AMPH: variants seen among roughly 807,000 people sequenced by gnomAD.
AMPH encodes amphiphysin.
A neutral mutation model predicts 99.1 loss-of-function variants in AMPH; 49 were observed. The ratio of observed to expected loss-of-function variants is 0.49; its 90% CI spans 0.39 to 0.63. AMPH has a LOEUF of 0.63. Among genes scored for constraint, AMPH ranks in the 20% least tolerant of loss-of-function variants. The pLI is 0.00. For missense variants in AMPH, 759 were observed against 863.4 expected (o/e 0.88, Z 1.52); for synonymous variants, 314 against 317.3 (o/e 0.99, Z 0.11).
intron 1 of AMPH, among the ~76,000 whole-genome samples, chr7:38,589,735 T>C (rs1303129524): frequency 2.6e-5 from 4 of 152,214 alleles, no homozygotes; most frequent in East Asian, 3.8e-4. Flanking sequence ...CAATTATTAA[T>C]TGAGTATGTG....
intron 17 of AMPH, 50 bp downstream of exon 17, chr7:38,417,775 A>G (rs1266667134): frequency 1.2e-6 from 2 of 1,606,104 alleles, no homozygotes; most frequent in Admixed American, 3.4e-5. Context: ...TGAGATGAGC[A>G]TGGCTGTGGC....
chr7:38,507,385 G>A (rs1360363604), intron 2 of AMPH, among the ~76,000 whole-genome samples: 5 of 151,826 alleles, frequency 3.3e-5, no homozygotes, highest in African/African-American at 7.3e-5. Flanking sequence ...TGAGTATTTC[G>A]GTTTCATGAA....
chr7:38,557,112 G>A (rs982215872), intron 1 of AMPH, among the ~76,000 whole-genome samples: 2 of 152,114 alleles, frequency 1.3e-5, no homozygotes, highest in Non-Finnish European at 2.9e-5. Context: ...GATTTGGGGT[G>A]GGAAACAAGG....
intron 20 of AMPH, among the ~76,000 whole-genome samples, chr7:38,386,350 G>A (rs1365190778): frequency 6.6e-6 from 1 of 152,070 alleles, no homozygotes; most frequent in Non-Finnish European, 1.5e-5. Flanking sequence ...TACAGTAGGT[G>A]AAAAATCTAA....
At chr7:38,508,265 G>A (rs1789406376) in intron 2 of AMPH, among the ~76,000 whole-genome samples, 1 of 152,064 alleles carries the variant, frequency 6.6e-6, no homozygotes. Flanking sequence ...CATCACTATG[G>A]CCCCAAATGC....
intron 20 of AMPH, among the ~76,000 whole-genome samples, chr7:38,388,226 T>C (rs1276409217): frequency 6.6e-6 from 1 of 152,078 alleles, no homozygotes; most frequent in Non-Finnish European, 1.5e-5. Flanking sequence ...TTTTTTTCCT[T>C]TTATTTCTTT....
In AMPH at chr7:38,570,983, TCA is replaced by T. The variant is rs1246997541; in HGVS notation, c.70-35974_70-35973del. 2.4e-4 allele frequency among the ~76,000 whole-genome samples: 2 copies of T among 8,166 alleles called. 1 individual carries two copies. The highest frequency in any genetic ancestry group is 6.3e-4 in the Non-Finnish European group (2 of 3,184). The allele number at this position is 8,166 out of a possible 152,430, so 5.4% of individuals were successfully genotyped here. On this transcript the variant is annotated intron_variant, in intron 1 of 20. Coordinates refer to ENST00000356264, the MANE Select transcript of AMPH (RefSeq NM_001635.4). ...ATATATATATAGAATATATATATAT[TCA>T]ATATATATATATTCATATATATAGA...
chr7:38,432,179 A>G lies in AMPH; in HGVS notation c.1158+10T>C. ...AGATACATGAAAAAACAGAGTTATT[A>G]GTGGCTTACCGTCCATAGGTCCCAG... On this transcript the variant is annotated intron_variant, in intron 13 of 20. Coordinates refer to ENST00000356264, the MANE Select transcript of AMPH (RefSeq NM_001635.4). 1 of 1,610,634 alleles carries G rather than the reference A, an allele frequency of 6.2e-7. No homozygotes were observed. Among genetic ancestry groups the G allele is most frequent in the Middle Eastern group, 1.7e-4 (1 of 6,056 alleles).
chr7:38,389,663 G>A, intron 20 of AMPH, 141 bp downstream of exon 20: 2 of 685,430 alleles, frequency 2.9e-6, no homozygotes, highest in Non-Finnish European at 5.1e-6. Flanking sequence ...AATGATCTAT[G>A]CTGTCACAAG....
At chr7:38,501,119 G>A (rs1261361782) in intron 3 of AMPH, among the ~76,000 whole-genome samples, 4 of 152,154 alleles carry the variant, frequency 2.6e-5, no homozygotes, top group African/African-American at 9.7e-5. Context: ...AACGAAATAT[G>A]CAATCTGGCC....
chr7:38,488,193 T>C (rs961845524), intron 5 of AMPH, among the ~76,000 whole-genome samples: 1 of 152,228 alleles, frequency 6.6e-6, no homozygotes, highest in Non-Finnish European at 1.5e-5. Flanking sequence ...CAAAGGATTA[T>C]AACTCATTCT....
intron 1 of AMPH, among the ~76,000 whole-genome samples, chr7:38,630,930 T>G (rs1445877857): frequency 6.6e-6 from 1 of 151,206 alleles, no homozygotes; most frequent in Non-Finnish European, 1.5e-5. Flanking sequence ...AGATGCGCTC[T>G]GCTCCGGGCG....
intron 17 of AMPH, among the ~76,000 whole-genome samples, chr7:38,407,550 T>A (rs1474775991): frequency 3.9e-5 from 6 of 152,026 alleles, no homozygotes; most frequent in Non-Finnish European, 8.8e-5. Flanking sequence ...GAAGCCCAAA[T>A]CTTACCATTG....
chr7:38,454,179 T>G (rs192713324), intron 11 of AMPH, among the ~76,000 whole-genome samples: 175 of 152,342 alleles, frequency 1.1e-3, no homozygotes, highest in Admixed American at 2.7e-3. Flanking sequence ...TCAAAGCATT[T>G]TGCCTATTGA....
intron 17 of AMPH, among the ~76,000 whole-genome samples, chr7:38,412,803 G>C (rs1322997182): frequency 6.6e-6 from 1 of 152,198 alleles, no homozygotes; most frequent in Non-Finnish European, 1.5e-5. Flanking sequence ...CCAGTTCTCT[G>C]AATACTCACA....
intron 18 of AMPH, 113 bp from the exon 19 acceptor site, chr7:38,392,130 C>T: frequency 1.9e-6 from 2 of 1,080,590 alleles, no homozygotes; most frequent in Admixed American, 2.5e-5. Context: ...CACTTCCATA[C>T]TTCCCCACTA....
chr7:38,401,308 A>C (rs1441744496), intron 17 of AMPH, among the ~76,000 whole-genome samples: 2 of 152,224 alleles, frequency 1.3e-5, no homozygotes, highest in Non-Finnish European at 2.9e-5. Context: ...CATTATAAGA[A>C]ATTTTTAAAA....
chr7:38,390,908 C>T (rs902309620), intron 19 of AMPH, among the ~76,000 whole-genome samples: 1 of 147,942 alleles, frequency 6.8e-6, no homozygotes, highest in Non-Finnish European at 1.5e-5. Flanking sequence ...CCACCCCTGT[C>T]CCCACAAGAG....
intron 14 of AMPH, 44 bp from the exon 15 acceptor site, chr7:38,427,030 T>G: frequency 3.8e-6 from 6 of 1,572,410 alleles, no homozygotes; most frequent in Middle Eastern, 1.7e-4. Context: ...TTTTTCATTA[T>G]CATTTTGTAG....
Sources: gnomAD v4.1 joint callset for allele counts (sites outside exome capture counted in the v4.1 genomes callset) on GRCh38, gnomAD v4.1.1 for gene constraint, MANE v1.5 for transcripts, NCBI Gene and HGNC (gene_info 2026-07-23, HGNC 2026-07-21) for gene names.